NAPB: variants seen among roughly 807,000 people sequenced by gnomAD.
NAPB encodes beta-soluble NSF attachment protein.
A neutral mutation model predicts 44.7 loss-of-function variants in NAPB; 26 were observed. The observed-to-expected ratio is 0.58, with a 90% CI of 0.43 to 0.81. The LOEUF is 0.81. Ranked by LOEUF, NAPB falls within the 30% of genes least tolerant of loss-of-function variation. The pLI, the probability that NAPB is intolerant of heterozygous loss-of-function variation, is 0.00. For synonymous variants in NAPB, 120 were observed against 116.8 expected (o/e 1.03, Z -0.18); for missense variants, 315 against 356.4 (o/e 0.88, Z 0.94).
chr20:23,377,925 A>G (rs1982648798), intron 10 of NAPB, among the ~76,000 whole-genome samples: 3 of 152,204 alleles, frequency 2.0e-5, no homozygotes, highest in Admixed American at 6.5e-5. Context: ...AATAGGATGA[A>G]AATGATGTGG....
intron 5 of NAPB, among the ~76,000 whole-genome samples, chr20:23,394,067 G>C (rs1363802307): frequency 6.6e-6 from 1 of 152,164 alleles, no homozygotes; most frequent in East Asian, 1.9e-4. Context: ...AAGCAATTCA[G>C]TGGACCCATG....
In NAPB at chr20:23,377,456, C is replaced by G; in HGVS notation, c.817G>C (p.Asp273His). The G allele has an allele frequency of 6.2e-7, 1 of 1,604,628 alleles. No individual in the cohort carries two copies. The highest frequency in any genetic ancestry group is 8.5e-7 in the Non-Finnish European group (1 of 1,173,642). The change falls in exon 11 of 11, where the codon GAT (aspartate) becomes CAT (histidine). Residue 273 changes from aspartate to histidine, a missense_variant. Transcript: ENST00000377026. The stretch of plus-strand genomic sequence containing the variant: ...AGCAACATGGTGGTCAGCCACTGAT[C>G]CAAGCGAGATATTGAGTCAAATTCC... ...VKEFDSISRL[D>H]QWLTTMLLRI...
At chr20:23,409,031 A>T (rs2123242873) in intron 1 of NAPB, among the ~76,000 whole-genome samples, 1 of 152,342 alleles carries the variant, frequency 6.6e-6, no homozygotes, top group South Asian at 2.1e-4. Context: ...AGCCCAAGGT[A>T]TGGTGGAAAG....
At chr20:23,417,122 G>T (rs970711832) in intron 1 of NAPB, among the ~76,000 whole-genome samples, 11 of 150,940 alleles carry the variant, frequency 7.3e-5, no homozygotes, top group African/African-American at 2.7e-4. Context: ...CTCGCTCGGG[G>T]GCCCAGGCTG....
chr20:23,385,413 C>A (rs1406145836), intron 7 of NAPB, among the ~76,000 whole-genome samples: 1 of 152,170 alleles, frequency 6.6e-6, no homozygotes, highest in Non-Finnish European at 1.5e-5. Flanking sequence ...GACAAATCCA[C>A]AACTAAAGTT....
At chr20:23,386,309 A>C (rs2123154491) in intron 7 of NAPB, among the ~76,000 whole-genome samples, 1 of 152,328 alleles carries the variant, frequency 6.6e-6, no homozygotes, top group Admixed American at 6.5e-5. Context: ...AACAATAAAA[A>C]CAGAAATCAG....
At chr20:23,410,522 T>C (rs1433933375) in intron 1 of NAPB, among the ~76,000 whole-genome samples, 1 of 152,152 alleles carries the variant, frequency 6.6e-6, no homozygotes, top group African/African-American at 2.4e-5. Flanking sequence ...ATGGCAACCG[T>C]AGACACTGGG....
intron 7 of NAPB, among the ~76,000 whole-genome samples, chr20:23,389,278 G>A (rs1476231271): frequency 6.6e-6 from 1 of 150,452 alleles, no homozygotes; most frequent in Non-Finnish European, 1.5e-5. Context: ...GTGAGGATGT[G>A]GAGAAACTGG....
chr20:23,379,216 G>C (rs959409364), intron 10 of NAPB: 17 of 444,496 alleles, frequency 3.8e-5, no homozygotes, highest in Non-Finnish European at 5.9e-5. Flanking sequence ...ATTTGCTCCT[G>C]AACTAGTCTC....
chr20:23,394,966 T>C lies in NAPB; in HGVS notation c.376A>G (p.Thr126Ala), dbSNP rs750512191. Residue 126 changes from threonine to alanine, a missense_variant, in exon 5 of 11, where the codon ACT (threonine) becomes GCT (alanine). By Grantham distance (58) the Thr-to-Ala change is moderately conservative. Transcript: ENST00000377026. ...RFTIAAKHHITIAEIYETELV... is the reference protein window; with the variant it reads ...RFTIAAKHHIAIAEIYETELV... ...TCAGTCTCATAGATCTCTGCAATAG[T>C]AATGTGGTGCTTGGCTGCAATTGTA... 2.1e-5 allele frequency: 34 copies of C among 1,614,076 alleles called. No homozygotes were observed. The highest frequency in any genetic ancestry group is 9.3e-5 in the African/African-American group (7 of 74,938).
At chr20:23,416,911 C>T (rs1986040227) in intron 1 of NAPB, among the ~76,000 whole-genome samples, 1 of 152,138 alleles carries the variant, frequency 6.6e-6, no homozygotes, top group Non-Finnish European at 1.5e-5. Flanking sequence ...ACAATTTTCA[C>T]AAACAACCAA....
At position 23,403,035 on chromosome 20, in the gene NAPB, T is replaced by C. The variant is rs1337900577; in HGVS notation, c.136A>G (p.Thr46Ala). ...TRIEEACEMY[T>A]RAANMFKMAK... ...ATCTTGAACATATTTGCAGCTCTGG[T>C]ATACATTTCACAAGCCTCTTCTATT... Residue 46 changes from threonine to alanine, a missense_variant, in exon 2 of 11, where the codon ACC (threonine) becomes GCC (alanine). Physicochemically the swap from Thr to Ala is moderately conservative, Grantham distance 58. Transcript: ENST00000377026. The C allele has an allele frequency of 1.6e-5, 26 of 1,613,824 alleles. No homozygotes were observed. The highest frequency in any genetic ancestry group is 2.1e-5 in the Non-Finnish European group (25 of 1,179,940).
Position 23,421,340 on chromosome 20 carries a change from G to C in NAPB, c.63C>G (p.Val21=), listed in dbSNP as rs1421616269. The change falls in exon 1 of 11, where the codon GTC becomes GTG. Residue 21 remains valine, a synonymous_variant. Coordinates refer to ENST00000377026, the MANE Select transcript of NAPB (RefSeq NM_022080.3). ...VQLMAEAEKR[V]KASHSFLRGL... is the part of the protein sequence containing the mutation. ...CTCGGAGGAAGGAGTGGGAGGCCTT[G>C]ACTCGCTTCTCGGCCTCCGCCATCA... The C allele has an allele frequency of 3.8e-6, 6 of 1,565,600 alleles. No individual in the cohort carries two copies. The highest frequency in any genetic ancestry group is 5.2e-6 in the Non-Finnish European group (6 of 1,155,026).
At chr20:23,387,847 G>C (rs1983643495) in intron 7 of NAPB, among the ~76,000 whole-genome samples, 1 of 152,118 alleles carries the variant, frequency 6.6e-6, no homozygotes, top group Admixed American at 6.6e-5. Flanking sequence ...ACCTTGAGTG[G>C]GCTACAGGGT....
At chr20:23,405,993 G>A (rs1985225540) in intron 1 of NAPB, among the ~76,000 whole-genome samples, 1 of 152,112 alleles carries the variant, frequency 6.6e-6, no homozygotes, top group Non-Finnish European at 1.5e-5. Context: ...TGGGAGGTAG[G>A]GCCTACTGGG....
In NAPB at chr20:23,403,040, A is replaced by G; in HGVS notation, c.131T>C (p.Met44Thr). The G allele has an allele frequency of 6.2e-7, 1 of 1,613,902 alleles. No homozygotes were observed. Among genetic ancestry groups the G allele is most frequent in the Non-Finnish European group, 8.5e-7 (1 of 1,179,934 alleles). ...GNTRIEEACE[M>T]YTRAANMFKM... ...GAACATATTTGCAGCTCTGGTATACATTTCACAAGCCTCTTCTATTCTTGT... is the reference window on the plus strand; with the variant it reads ...GAACATATTTGCAGCTCTGGTATACGTTTCACAAGCCTCTTCTATTCTTGT... Residue 44 changes from methionine to threonine, a missense_variant, in exon 2 of 11, where the codon ATG (methionine) becomes ACG (threonine). Physicochemically the swap from Met to Thr is moderately conservative, Grantham distance 81 (BLOSUM62 -1). This residue lies in a region of NAPB where 179 missense variants were observed against 182.5 expected (regional missense o/e 0.98). Transcript: ENST00000377026.
intron 1 of NAPB, among the ~76,000 whole-genome samples, chr20:23,408,580 A>G (rs888829246): frequency 6.6e-6 from 1 of 152,248 alleles, no homozygotes; most frequent in African/African-American, 2.4e-5. Flanking sequence ...GAAACTCCAC[A>G]GATTCTAAAA....
chr20:23,411,548 T>C (rs978816955), intron 1 of NAPB, among the ~76,000 whole-genome samples: 1 of 152,062 alleles, frequency 6.6e-6, no homozygotes, highest in African/African-American at 2.4e-5. Flanking sequence ...TCACTGCATA[T>C]GTTGTATTGT....
chr20:23,380,040 G>A, intron 8 of NAPB, 105 bp from the exon 9 acceptor site: 1 of 772,054 alleles, frequency 1.3e-6, no homozygotes, highest in South Asian at 2.0e-5. Context: ...ATTAAGTGTT[G>A]AAAAAGTATG....
Sources: gnomAD v4.1 joint callset for allele counts (sites outside exome capture counted in the v4.1 genomes callset) on GRCh38, gnomAD v4.1.1 for gene constraint, gnomAD v4.1.1 regional missense constraint, MANE v1.5 for transcripts, NCBI Gene and HGNC (gene_info 2026-07-23, HGNC 2026-07-21) for gene names.